Variants in ADAMTS17 observed in about 807,000 individuals in gnomAD.
ADAMTS17 encodes the protein A disintegrin and metalloproteinase with thrombospondin motifs 17.
In ADAMTS17, 113 loss-of-function variants were observed where a neutral mutation model predicts 141.5. The observed-to-expected ratio is 0.80, with a 90% CI of 0.69 to 0.93. ADAMTS17 has a LOEUF of 0.93. Ranked by LOEUF, ADAMTS17 falls within the 40% of genes least tolerant of loss-of-function variation. The pLI, the probability that ADAMTS17 is intolerant of heterozygous loss-of-function variation, is 0.00. For synonymous variants in ADAMTS17, 768 were observed against 630.6 expected (o/e 1.22, Z -3.27); for missense variants, 1,659 against 1,517.9 (o/e 1.09, Z -1.54).
At chr15:100,101,913 C>T (rs190633785) in intron 14 of ADAMTS17, among the ~76,000 whole-genome samples, 1 of 152,316 alleles carries the variant, frequency 6.6e-6, no homozygotes, top group Admixed American at 6.5e-5. Flanking sequence ...AGATTTTAGG[C>T]CAGTTGCGCA....
intron 15 of ADAMTS17, among the ~76,000 whole-genome samples, chr15:100,056,542 G>A (rs1001682490): frequency 2.6e-5 from 4 of 152,100 alleles, no homozygotes; most frequent in South Asian, 2.1e-4. Context: ...TCCCTTGCAC[G>A]TGCCATTCAC....
chr15:100,254,329 T>G, intron 6 of ADAMTS17, 150 bp from the exon 7 acceptor site: 1 of 738,010 alleles, frequency 1.4e-6, no homozygotes, highest in Non-Finnish European at 2.3e-6. Flanking sequence ...CAGCAGCGTT[T>G]GGCAACAGTA....
rs750321008 is a variant in ADAMTS17 at position 100,098,068 on chromosome 15, T to C, written c.2017-1592A>G. 1.5e-3 allele frequency among the ~76,000 whole-genome samples: 226 copies of C among 152,212 alleles called. 1 individual carries two copies. Among genetic ancestry groups the C allele is most frequent in the Non-Finnish European group, 2.5e-3 (168 of 67,992 alleles). Reference sequence around the variant, plus strand: ...AGATCAAACTTGTTCAAAGTTAGTATAAAAAGAGGAAAAGGGTAAAATTGA... The same window carrying C: ...AGATCAAACTTGTTCAAAGTTAGTACAAAAAGAGGAAAAGGGTAAAATTGA... On this transcript the variant is annotated intron_variant, in intron 14 of 21. Transcript: ENST00000268070.
intron 18 of ADAMTS17, among the ~76,000 whole-genome samples, chr15:100,001,369 T>TAA (rs1399856147): frequency 7.2e-6 from 1 of 138,092 alleles, no homozygotes; most frequent in African/African-American, 2.6e-5. Flanking sequence ...TTTTTTTTTT[T>TAA]AAAGAAGGAA....
chr15:100,063,848 AG>A (rs1428281789), intron 15 of ADAMTS17: 1 of 904,610 alleles, frequency 1.1e-6, no homozygotes, highest in Non-Finnish European at 1.6e-6. Flanking sequence ...CTAGCTACCA[AG>A]CCCCCCACAG....
chr15:100,270,788 T>TTTTTTTTTTTTTTGAGACAG (rs1555499052), intron 4 of ADAMTS17, among the ~76,000 whole-genome samples: 1 of 140,268 alleles, frequency 7.1e-6, no homozygotes, highest in Admixed American at 7.5e-5. Context: ...TAAACATTTT[T>TTTTTTTTTTTTTTGAGACAG]AAGCTTACAA....
chr15:100,078,019 CACTT>C (rs2034496014), intron 15 of ADAMTS17, among the ~76,000 whole-genome samples: 1 of 151,908 alleles, frequency 6.6e-6, no homozygotes, highest in African/African-American at 2.4e-5. Flanking sequence ...CAAAAAGAAA[CACTT>C]AGGAATACAT....
At chr15:100,283,110 C>T (rs11856539) in intron 3 of ADAMTS17, among the ~76,000 whole-genome samples, 22,598 of 152,112 alleles carry the variant, frequency 0.15, 2,984 homozygotes, top group African/African-American at 0.36. Flanking sequence ...AAACTCTAAA[C>T]GATAAAACAG....
At chr15:100,030,317 G>A (rs77594145) in intron 18 of ADAMTS17, among the ~76,000 whole-genome samples, 2,378 of 152,274 alleles carry the variant, frequency 0.016, 28 homozygotes, top group Non-Finnish European at 0.025. Context: ...ATGTCGTAAG[G>A]AATTCCTTTT....
At chr15:99,987,859 G>T (rs879681373) in intron 20 of ADAMTS17, among the ~76,000 whole-genome samples, 3 of 152,140 alleles carry the variant, frequency 2.0e-5, no homozygotes, top group Admixed American at 2.0e-4. Context: ...ACTCTCCTGG[G>T]TGATGGCAGC....
At chr15:100,306,702 A>AT (rs1437858001) in intron 3 of ADAMTS17, 3 of 398,500 alleles carry the variant, frequency 7.5e-6, no homozygotes, top group Non-Finnish European at 1.5e-5. Flanking sequence ...ACAGGGACTG[A>AT]GACAGCAGTC....
intron 2 of ADAMTS17, among the ~76,000 whole-genome samples, chr15:100,340,649 C>T (rs2046335184): frequency 6.6e-6 from 1 of 152,162 alleles, no homozygotes; most frequent in Non-Finnish European, 1.5e-5. Flanking sequence ...ACAGGTACTC[C>T]CGTGACATAC....
In ADAMTS17 at chr15:100,200,376, GC is replaced by G. The variant is rs1038012595; in HGVS notation, c.1076-954del. Among the ~76,000 whole-genome samples, 231 of 152,200 alleles carry G rather than the reference GC, an allele frequency of 1.5e-3. 1 individual carries two copies. Among genetic ancestry groups the G allele is most frequent in the African/African-American group, 5.2e-3 (217 of 41,532 alleles). On this transcript the variant is annotated intron_variant, in intron 7 of 21. Coordinates refer to ENST00000268070, the MANE Select transcript of ADAMTS17 (RefSeq NM_139057.4). The stretch of plus-strand genomic sequence containing the variant: ...CCCTCTGGGGAATGCTGGGAGGGCA[GC>G]CACAGCAGGGGTGGGGAGGGCGAGC...
At chr15:100,162,208 T>C (rs2039721842) in intron 8 of ADAMTS17, among the ~76,000 whole-genome samples, 1 of 152,050 alleles carries the variant, frequency 6.6e-6, no homozygotes. Context: ...AAGCAAGTAC[T>C]CAATTCTTGA....
Position 100,132,456 on chromosome 15 carries a change from T to C in ADAMTS17, c.1576-304A>G, listed in dbSNP as rs541391097. Among the ~76,000 whole-genome samples, 11 of 152,344 alleles carry C rather than the reference T, an allele frequency of 7.2e-5. No homozygotes were observed. The South Asian group carries it at 2.3e-3, about 32-fold the overall frequency. ...TAGCTCTTGAAGAGACCTGGGCTTC[T>C]GCAAACTTTGTTTGACGTGAGTGCG... On this transcript the variant is annotated intron_variant, in intron 11 of 21. Transcript: ENST00000268070.
intron 13 of ADAMTS17, among the ~76,000 whole-genome samples, chr15:100,116,141 A>C (rs1003327091): frequency 7.4e-5 from 11 of 149,224 alleles, no homozygotes; most frequent in African/African-American, 2.8e-4. Flanking sequence ...GTAAAAAAAA[A>C]AAAAAAAAAA....
intron 8 of ADAMTS17, among the ~76,000 whole-genome samples, chr15:100,157,229 G>C (rs369721813): frequency 4.6e-5 from 7 of 152,260 alleles, no homozygotes; most frequent in Middle Eastern, 3.4e-3. Flanking sequence ...AATTCAAAAT[G>C]AGATTTGGGT....
intron 10 of ADAMTS17, among the ~76,000 whole-genome samples, chr15:100,137,486 T>C (rs764183121): frequency 3.3e-5 from 5 of 151,838 alleles, no homozygotes; most frequent in Non-Finnish European, 7.4e-5. Context: ...GGCTTGGAGG[T>C]GGAGATGCAT....
chr15:100,039,018 G>A (rs1242604515), intron 18 of ADAMTS17, among the ~76,000 whole-genome samples: 2 of 152,288 alleles, frequency 1.3e-5, no homozygotes, highest in East Asian at 1.9e-4. Flanking sequence ...CTTTCTGTAA[G>A]TTATCTAACT....
Sources: allele counts gnomAD v4.1 joint callset (sites outside exome capture counted in the v4.1 genomes callset), GRCh38; gene constraint gnomAD v4.1.1; transcripts MANE v1.5; gene names NCBI Gene and HGNC (gene_info 2026-07-23, HGNC 2026-07-21).